The following CDH12 variants were observed in gnomAD, a reference collection of about 807,000 sequenced individuals.
The protein encoded by CDH12 is cadherin 12.
Under a neutral mutation model 74.1 loss-of-function variants are expected in CDH12, and 41 were observed. The ratio of observed to expected loss-of-function variants is 0.55; its 90% CI spans 0.43 to 0.72. CDH12 has a LOEUF of 0.72. Among genes scored for constraint, CDH12 ranks in the 30% least tolerant of loss-of-function variants. The pLI is 0.00. For synonymous variants in CDH12, 399 were observed against 355.0 expected (o/e 1.12, Z -1.39); for missense variants, 945 against 977.2 (o/e 0.97, Z 0.44).
At chr5:21,976,483 CATAT>C (rs1419675153) in intron 5 of CDH12, among the ~76,000 whole-genome samples, 3 of 150,310 alleles carry the variant, frequency 2.0e-5, no homozygotes, top group African/African-American at 7.3e-5. Context: ...AATAGTGCAT[CATAT>C]ATAATTTTCT....
chr5:21,984,225 G>A (rs528798771), intron 5 of CDH12, among the ~76,000 whole-genome samples: 2 of 152,132 alleles, frequency 1.3e-5, no homozygotes, highest in East Asian at 1.9e-4. Flanking sequence ...TCAGATATTC[G>A]GTTGGGGGTG....
chr5:22,327,876 GATAA>G (rs1292676122), intron 3 of CDH12, among the ~76,000 whole-genome samples: 1 of 152,126 alleles, frequency 6.6e-6, no homozygotes, highest in Non-Finnish European at 1.5e-5. Context: ...GTTCTAATTT[GATAA>G]ATAGATTCCA....
intron 3 of CDH12, among the ~76,000 whole-genome samples, chr5:22,375,957 A>G (rs1741505218): frequency 6.6e-6 from 1 of 152,184 alleles, no homozygotes; most frequent in Non-Finnish European, 1.5e-5. Flanking sequence ...TCCTACTACT[A>G]GGTTTTTATC....
chr5:22,351,072 C>T (rs1740337258), intron 3 of CDH12, among the ~76,000 whole-genome samples: 1 of 152,028 alleles, frequency 6.6e-6, no homozygotes, highest in South Asian at 2.1e-4. Context: ...TTCAACAATC[C>T]ACTAACACAC....
At chr5:22,445,966 T>G (rs1316806630) in intron 2 of CDH12, among the ~76,000 whole-genome samples, 4 of 152,150 alleles carry the variant, frequency 2.6e-5, no homozygotes, top group Non-Finnish European at 4.4e-5. Context: ...CTAGCATCTT[T>G]CCACTGATGT....
At chr5:22,124,026 G>A (rs183679057) in intron 4 of CDH12, among the ~76,000 whole-genome samples, 8 of 151,400 alleles carry the variant, frequency 5.3e-5, no homozygotes, top group Admixed American at 1.3e-4. Flanking sequence ...GGAGTGCAGC[G>A]GTGCGATCTC....
intron 11 of CDH12, among the ~76,000 whole-genome samples, chr5:21,780,732 G>A (rs903598600): frequency 6.6e-6 from 1 of 152,142 alleles, no homozygotes; most frequent in Non-Finnish European, 1.5e-5. Flanking sequence ...ATGGTTCACA[G>A]AGGTCTTCTA....
chr5:22,153,958 G>GTA lies in CDH12; in HGVS notation c.-187+58538_-187+58539dup, dbSNP rs1261044960. ...TATATATGTATATATGTGTATATGT[G>GTA]TATATATACACACATACATGCACAG... On this transcript the variant is annotated intron_variant, in intron 4 of 14. Coordinates refer to ENST00000382254, the MANE Select transcript of CDH12 (RefSeq NM_004061.5). 1.9e-4 allele frequency among the ~76,000 whole-genome samples: 27 copies of GTA among 143,234 alleles called. 1 individual carries two copies. The highest frequency in any genetic ancestry group is 6.8e-4 in the African/African-American group (26 of 38,518). 94.0% of individuals were successfully genotyped at this position (143,234 alleles called of 152,430 possible).
chr5:21,833,058 TTA>T (rs1367793428), intron 8 of CDH12, among the ~76,000 whole-genome samples: 1 of 83,006 alleles, frequency 1.2e-5, no homozygotes, highest in Non-Finnish European at 2.1e-5. Context: ...ATATTATATG[TTA>T]TATAACATAT....
At chr5:22,035,062 G>A (rs1739077031) in intron 5 of CDH12, among the ~76,000 whole-genome samples, 1 of 152,242 alleles carries the variant, frequency 6.6e-6, no homozygotes, top group South Asian at 2.1e-4. Flanking sequence ...TTCACTTCAA[G>A]TTGTGGTTTC....
intron 4 of CDH12, among the ~76,000 whole-genome samples, chr5:22,160,290 T>G (rs1437410046): frequency 1.3e-5 from 2 of 152,202 alleles, no homozygotes; most frequent in Non-Finnish European, 2.9e-5. Flanking sequence ...AACATGCTGC[T>G]TTGGATATGT....
chr5:22,109,122 A>G (rs895769338), intron 4 of CDH12, among the ~76,000 whole-genome samples: 5 of 152,092 alleles, frequency 3.3e-5, no homozygotes, highest in African/African-American at 1.2e-4. Flanking sequence ...ACTCTTTATG[A>G]TATTTGGAAT....
At chr5:22,808,663 T>C (rs376400700) in intron 1 of CDH12, among the ~76,000 whole-genome samples, 97 of 143,140 alleles carry the variant, frequency 6.8e-4, no homozygotes, top group Middle Eastern at 3.6e-3. Context: ...TGGAGTGCAG[T>C]GGTGCGATCT....
At position 22,515,436 on chromosome 5, in the gene CDH12, G is replaced by A. The variant is rs142195304; in HGVS notation, c.-522-10072C>T. On this transcript the variant is annotated intron_variant, in intron 1 of 14. Coordinates refer to ENST00000382254, the MANE Select transcript of CDH12 (RefSeq NM_004061.5). ...AATATATTGATTAAAACAGTGAGAC[G>A]TGAAGTATAGGAAAGAAATATTGAT... Among the ~76,000 whole-genome samples, 12 of 152,160 alleles carry A rather than the reference G, an allele frequency of 7.9e-5. No individual in the cohort carries two copies. In the East Asian group the frequency reaches 1.7e-3, roughly 22 times the overall value.
intron 7 of CDH12, among the ~76,000 whole-genome samples, chr5:21,850,283 A>G (rs559330258): frequency 1.5e-4 from 22 of 151,546 alleles, no homozygotes; most frequent in Non-Finnish European, 3.0e-4. Flanking sequence ...TTTTTGCTAA[A>G]CGAGTAGATT....
chr5:22,472,877 T>C (rs1333486194), intron 2 of CDH12, among the ~76,000 whole-genome samples: 1 of 152,154 alleles, frequency 6.6e-6, no homozygotes, highest in Non-Finnish European at 1.5e-5. Context: ...AGGGACATCC[T>C]TTTAAAATGC....
intron 2 of CDH12, among the ~76,000 whole-genome samples, chr5:22,427,815 G>A (rs1744003630): frequency 1.3e-5 from 2 of 152,094 alleles, no homozygotes; most frequent in African/African-American, 4.8e-5. Flanking sequence ...TTTATCGAAG[G>A]TTCCCAAGCT....
At chr5:22,003,436 T>C (rs1210911430) in intron 5 of CDH12, among the ~76,000 whole-genome samples, 4 of 150,878 alleles carry the variant, frequency 2.7e-5, no homozygotes, top group Admixed American at 2.1e-4. Context: ...TGCAGTAATC[T>C]CAAGCCTAGC....
intron 3 of CDH12, among the ~76,000 whole-genome samples, chr5:22,236,210 T>C (rs192516049): frequency 6.6e-6 from 1 of 152,344 alleles, no homozygotes; most frequent in Admixed American, 6.5e-5. Context: ...ATTTAGGCTA[T>C]ACTAAATGTA....
Sources: gnomAD v4.1 joint callset for allele counts (sites outside exome capture counted in the v4.1 genomes callset) on GRCh38, gnomAD v4.1.1 for gene constraint, MANE v1.5 for transcripts, NCBI Gene and HGNC (gene_info 2026-07-23, HGNC 2026-07-21) for gene names.